The following DLG2 variants were observed in gnomAD, a reference collection of about 807,000 sequenced individuals.
DLG2 encodes the protein discs large MAGUK scaffold protein 2, also known as disks large homolog 2.
Under a neutral mutation model 132.5 loss-of-function variants are expected in DLG2, and 45 were observed. The ratio of observed to expected loss-of-function variants is 0.34; its 90% CI spans 0.27 to 0.44. DLG2 has a LOEUF of 0.44. DLG2 is among the 20% of genes least tolerant of loss of function. The pLI is 1.00. For synonymous variants in DLG2, 424 were observed against 419.6 expected (o/e 1.01, Z -0.13); for missense variants, 1,045 against 1,196.9 (o/e 0.87, Z 1.87).
intron 5 of DLG2, among the ~76,000 whole-genome samples, chr11:85,146,286 G>A (rs1261064863): frequency 6.7e-6 from 1 of 149,888 alleles, no homozygotes; most frequent in Non-Finnish European, 1.5e-5. Flanking sequence ...GGAGTTGGGG[G>A]AGGGATGGCA....
intron 19 of DLG2, among the ~76,000 whole-genome samples, chr11:83,552,035 G>A (rs1208962186): frequency 6.6e-6 from 1 of 152,168 alleles, no homozygotes; most frequent in Non-Finnish European, 1.5e-5. Flanking sequence ...ATGGTTCTAG[G>A]AGCTTGGGAT....
At position 85,183,580 on chromosome 11, in the gene DLG2, G is replaced by A. The variant is rs552943000; in HGVS notation, c.187-28929C>T. ...CTACATCAAATCTTGGCTGTGGTTG[G>A]GTCCAGGTCCACCATTTTAACATAA... On this transcript the variant is annotated intron_variant, in intron 4 of 27. Transcript: ENST00000376104. Among the ~76,000 whole-genome samples, 11 of 151,920 alleles carry A rather than the reference G, an allele frequency of 7.2e-5. No individual in the cohort carries two copies. In the South Asian group the frequency reaches 2.3e-3, roughly 31 times the overall value.
intron 6 of DLG2, among the ~76,000 whole-genome samples, chr11:84,991,047 G>T (rs2057039589): frequency 6.6e-6 from 1 of 152,104 alleles, no homozygotes; most frequent in African/African-American, 2.4e-5. Flanking sequence ...AAAAAGAATG[G>T]ACTATCAGTA....
At chr11:83,571,782 G>A (rs905512832) in intron 19 of DLG2, among the ~76,000 whole-genome samples, 2 of 152,084 alleles carry the variant, frequency 1.3e-5, no homozygotes, top group Non-Finnish European at 2.9e-5. Flanking sequence ...CCAGAGATTG[G>A]TATGGGATCA....
chr11:84,583,333 T>C (rs2099521167), intron 6 of DLG2, among the ~76,000 whole-genome samples: 2 of 152,212 alleles, frequency 1.3e-5, no homozygotes, highest in Admixed American at 6.5e-5. Context: ...GCAGAAGATA[T>C]GTCACTATGA....
chr11:85,154,969 T>G (rs1262385066), intron 4 of DLG2, among the ~76,000 whole-genome samples: 1 of 152,210 alleles, frequency 6.6e-6, no homozygotes, highest in Non-Finnish European at 1.5e-5. Context: ...AAGATGAAGA[T>G]AGAGGGCTGA....
intron 6 of DLG2, among the ~76,000 whole-genome samples, chr11:85,071,082 C>T (rs10898358): frequency 0.24 from 36,229 of 151,654 alleles, 4,618 homozygotes; most frequent in Middle Eastern, 0.3. Context: ...TGGACAATAG[C>T]GTTTAACACA....
At chr11:85,417,395 C>G (rs2089958197) in intron 3 of DLG2, among the ~76,000 whole-genome samples, 2 of 152,090 alleles carry the variant, frequency 1.3e-5, no homozygotes, top group Middle Eastern at 3.2e-3. Flanking sequence ...GGATACTGAC[C>G]TGAAATATTC....
intron 6 of DLG2, among the ~76,000 whole-genome samples, chr11:84,850,140 G>A (rs974179197): frequency 1.3e-5 from 2 of 152,038 alleles, no homozygotes; most frequent in African/African-American, 4.8e-5. Flanking sequence ...CATTCTATCT[G>A]CCACACACTA....
intron 7 of DLG2, among the ~76,000 whole-genome samples, chr11:84,424,496 T>A (rs116894084): frequency 0.019 from 2,841 of 152,168 alleles, 31 homozygotes; most frequent in Middle Eastern, 0.041. Flanking sequence ...TTTACTCAAT[T>A]CTTATAATAG....
rs148897507 is a variant in DLG2 at position 85,042,734 on chromosome 11, T to C, written c.357+68927A>G. On this transcript the variant is annotated intron_variant, in intron 6 of 27. Coordinates refer to ENST00000376104, the MANE Select transcript of DLG2 (RefSeq NM_001142699.3). Reference sequence around the variant, plus strand: ...TAAGAAATCTGTCATGTATGATATATTTAAATACCTTTCTGTATATAAAGG... The same window carrying C: ...TAAGAAATCTGTCATGTATGATATACTTAAATACCTTTCTGTATATAAAGG... Among the ~76,000 whole-genome samples the C allele has an allele frequency of 3.5e-3, 535 of 152,038 alleles. 4 individuals carry two copies. The highest frequency in any genetic ancestry group is 5.6e-3 in the Non-Finnish European group (380 of 67,848).
At chr11:85,112,221 C>T (rs589093) in intron 5 of DLG2, among the ~76,000 whole-genome samples, 99,995 of 151,934 alleles carry the variant, frequency 0.66, 33,704 homozygotes, top group East Asian at 0.93. Flanking sequence ...GGATAGATCT[C>T]AGAGGCCTTC....
At chr11:83,589,478 C>T (rs1462923999) in intron 19 of DLG2, among the ~76,000 whole-genome samples, 1 of 152,082 alleles carries the variant, frequency 6.6e-6, no homozygotes, top group African/African-American at 2.4e-5. Context: ...CCTAAAAGAG[C>T]TCCTGAAGGA....
At chr11:83,680,373 T>C (rs1367119053) in intron 18 of DLG2, among the ~76,000 whole-genome samples, 2 of 152,164 alleles carry the variant, frequency 1.3e-5, no homozygotes, top group Non-Finnish European at 2.9e-5. Context: ...GGCATTAAGG[T>C]ATATTAACAC....
intron 18 of DLG2, among the ~76,000 whole-genome samples, chr11:83,717,144 TCTCA>T (rs1246298469): frequency 1.3e-5 from 2 of 152,162 alleles, no homozygotes; most frequent in African/African-American, 4.8e-5. Context: ...ACAGTATACC[TCTCA>T]CTAACTAGGA....
At chr11:85,185,697 C>T (rs2080043127) in intron 4 of DLG2, among the ~76,000 whole-genome samples, 1 of 151,780 alleles carries the variant, frequency 6.6e-6, no homozygotes, top group Non-Finnish European at 1.5e-5. Context: ...CACCTTTGTC[C>T]TCATAACACC....
intron 6 of DLG2, among the ~76,000 whole-genome samples, chr11:84,693,679 A>T (rs1260338645): frequency 6.6e-6 from 1 of 151,522 alleles, no homozygotes; most frequent in African/African-American, 2.4e-5. Context: ...TGGCTTATAC[A>T]CTCTGACTCC....
At chr11:84,576,209 C>T (rs191034703) in intron 6 of DLG2, among the ~76,000 whole-genome samples, 20 of 152,286 alleles carry the variant, frequency 1.3e-4, no homozygotes, top group African/African-American at 4.8e-4. Flanking sequence ...TTATCGTTTA[C>T]TGTTTGCCTC....
intron 6 of DLG2, among the ~76,000 whole-genome samples, chr11:84,645,568 C>G (rs778601519): frequency 1.3e-5 from 2 of 152,122 alleles, no homozygotes; most frequent in African/African-American, 2.4e-5. Flanking sequence ...CCTGGGTTCA[C>G]GCCATTTTCC....
Sources: allele counts gnomAD v4.1 joint callset (sites outside exome capture counted in the v4.1 genomes callset), GRCh38; gene constraint gnomAD v4.1.1; transcripts MANE v1.5; gene names NCBI Gene and HGNC (gene_info 2026-07-23, HGNC 2026-07-21).